VGLL4: variants seen among roughly 807,000 people sequenced by gnomAD.
VGLL4 encodes the protein vestigial like family member 4.
A neutral mutation model predicts 21.0 loss-of-function variants in VGLL4; 7 were observed. That is an observed-to-expected ratio of 0.33 (90% CI 0.19 to 0.63). The LOEUF (loss-of-function observed/expected upper bound fraction) is 0.63. Ranked by LOEUF, VGLL4 falls within the 20% of genes least tolerant of loss-of-function variation. The pLI, the probability that VGLL4 is intolerant of heterozygous loss-of-function variation, is 0.78. For missense variants in VGLL4, 394 were observed against 425.7 expected (o/e 0.93, Z 0.66); for synonymous variants, 222 against 173.2 (o/e 1.28, Z -2.21).
chr3:11,632,355 G>A (rs1262544775), intron 1 of VGLL4, among the ~76,000 whole-genome samples: 1 of 152,022 alleles, frequency 6.6e-6, no homozygotes, highest in Non-Finnish European at 1.5e-5. Flanking sequence ...GAATTTAAAA[G>A]TTCTACATAT....
At chr3:11,602,455 T>A (rs1481538888) in intron 1 of VGLL4, among the ~76,000 whole-genome samples, 3 of 152,134 alleles carry the variant, frequency 2.0e-5, no homozygotes, top group Non-Finnish European at 4.4e-5. Flanking sequence ...CTGTTTTTTT[T>A]TTCTAATATA....
rs2075902761 is a variant in VGLL4, at chr3:11,653,229, G to A, written c.64+49742C>T. ...ACCAGTTAGGGTGCCGTCCAGGAAAGAGAAATCATGGCTGTTATTTATATA... is the reference window on the plus strand; with the variant it reads ...ACCAGTTAGGGTGCCGTCCAGGAAAAAGAAATCATGGCTGTTATTTATATA... On this transcript the variant is annotated intron_variant, in intron 2 of 5. Coordinates refer to the VGLL4 transcript ENST00000273038. The surrounding 1 kb of genome is among the most constrained non-coding windows in gnomAD (Gnocchi z 4.2). Among the ~76,000 whole-genome samples the A allele has an allele frequency of 1.3e-5, 2 of 152,170 alleles. No homozygotes were observed. The highest frequency in any genetic ancestry group is 4.1e-4 in the South Asian group (2 of 4,822).
chr3:11,659,378 C>T (rs1337080155), intron 2 of VGLL4, among the ~76,000 whole-genome samples: 1 of 120,938 alleles, frequency 8.3e-6, no homozygotes, highest in Non-Finnish European at 1.6e-5. Flanking sequence ...ATTGCCCAGG[C>T]TGGAGTGCAA....
intron 2 of VGLL4, among the ~76,000 whole-genome samples, chr3:11,692,464 T>C (rs2125394111): frequency 6.6e-6 from 1 of 152,326 alleles, no homozygotes; most frequent in South Asian, 2.1e-4. Context: ...GATGGTATTT[T>C]TTGATGTCAT....
chr3:11,648,259 G>T (rs11128567), upstream of VGLL4, among the ~76,000 whole-genome samples: 12,161 of 152,186 alleles, frequency 0.08, 869 homozygotes, highest in African/African-American at 0.17. Context: ...AGATACTGTG[G>T]ATATAGGAAT....
At chr3:11,664,869 G>A (rs1001333409) in intron 2 of VGLL4, among the ~76,000 whole-genome samples, 2 of 151,834 alleles carry the variant, frequency 1.3e-5, no homozygotes, top group Admixed American at 6.6e-5. Flanking sequence ...CATCCAGCAC[G>A]CCATGATCTT....
At chr3:11,639,299 G>A (rs2075643898) in intron 1 of VGLL4, among the ~76,000 whole-genome samples, 1 of 152,192 alleles carries the variant, frequency 6.6e-6, no homozygotes, top group Non-Finnish European at 1.5e-5. Context: ...ATCCACGCAG[G>A]CCTCCTCCTC....
chr3:11,688,883 T>C (rs2125389849), intron 2 of VGLL4, among the ~76,000 whole-genome samples: 1 of 152,092 alleles, frequency 6.6e-6, no homozygotes, highest in East Asian at 1.9e-4. Flanking sequence ...CCGGGCATGA[T>C]GGTGGGTGCC....
At chr3:11,610,160 T>TAAGA (rs2075030579) in intron 1 of VGLL4, 1 of 152,380 alleles carries the variant, frequency 6.6e-6, no homozygotes, top group African/African-American at 2.4e-5. Flanking sequence ...GGCACCCTGG[T>TAAGA]AAGAGGACCC....
chr3:11,628,548 C>T (rs2574709), intron 1 of VGLL4, among the ~76,000 whole-genome samples: 105,709 of 151,396 alleles, frequency 0.7, 37,088 homozygotes, highest in South Asian at 0.77. Context: ...CGGCCGGGCG[C>T]GGTGGCTCAC....
At chr3:11,559,261 A>G (rs945714028) in intron 4 of VGLL4, 71 bp downstream of exon 4, 2 of 1,461,460 alleles carry the variant, frequency 1.4e-6, no homozygotes, top group Non-Finnish European at 1.8e-6. Flanking sequence ...GTTTCAGCCA[A>G]CAGCATGACA....
chr3:11,588,664 C>T (rs544758022), intron 2 of VGLL4, among the ~76,000 whole-genome samples: 1 of 152,376 alleles, frequency 6.6e-6, no homozygotes, highest in South Asian at 2.1e-4. Flanking sequence ...GGCTGATCCA[C>T]AGGCAATGAC....
intron 2 of VGLL4, among the ~76,000 whole-genome samples, chr3:11,702,252 T>C (rs868326042): frequency 5.3e-5 from 8 of 152,088 alleles, no homozygotes; most frequent in Non-Finnish European, 1.2e-4. Flanking sequence ...AGATCACTGA[T>C]AGTAACCTGA....
intron 2 of VGLL4, among the ~76,000 whole-genome samples, chr3:11,596,612 G>A (rs2074650565): frequency 6.6e-6 from 1 of 152,180 alleles, no homozygotes; most frequent in Non-Finnish European, 1.5e-5. Flanking sequence ...TCCATGGAAA[G>A]GATCTAGAAA....
At chr3:11,642,608 T>C (rs941471879) in intron 1 of VGLL4, among the ~76,000 whole-genome samples, 4 of 152,198 alleles carry the variant, frequency 2.6e-5, no homozygotes, top group African/African-American at 4.8e-5. Flanking sequence ...CCCAGGGCCA[T>C]TGCCACTTTT....
chr3:11,708,123 C>T (rs2076787662), intron 1 of VGLL4, among the ~76,000 whole-genome samples: 1 of 152,110 alleles, frequency 6.6e-6, no homozygotes, highest in Non-Finnish European at 1.5e-5. Flanking sequence ...TGTCTATTTC[C>T]TCATCTGGAA....
At chr3:11,684,453 T>C (rs1459513308) in intron 2 of VGLL4, among the ~76,000 whole-genome samples, 2 of 152,022 alleles carry the variant, frequency 1.3e-5, no homozygotes, top group Admixed American at 6.6e-5. Context: ...TGATCATGGC[T>C]CACTGCAGCC....
chr3:11,697,952 T>C (rs2076627392), intron 2 of VGLL4, among the ~76,000 whole-genome samples: 1 of 152,246 alleles, frequency 6.6e-6, no homozygotes, highest in Non-Finnish European at 1.5e-5. Flanking sequence ...TTGCTGATCA[T>C]CTGCATATTC....
At chr3:11,569,278 A>T (rs919332567) in intron 2 of VGLL4, among the ~76,000 whole-genome samples, 2 of 152,178 alleles carry the variant, frequency 1.3e-5, no homozygotes, top group Admixed American at 6.5e-5. Flanking sequence ...AGCTACACTG[A>T]TCTGAGTCTG....
Sources: gnomAD v4.1 joint callset for allele counts (sites outside exome capture counted in the v4.1 genomes callset) on GRCh38, gnomAD v4.1.1 for gene constraint, Gnocchi (gnomAD v3.1) non-coding constraint, MANE v1.5 for transcripts, NCBI Gene and HGNC (gene_info 2026-07-23, HGNC 2026-07-21) for gene names.